Variants in CNTN5 observed in about 807,000 individuals in gnomAD.
CNTN5 encodes the protein contactin-5.
In CNTN5, 77 loss-of-function variants were observed where a neutral mutation model predicts 129.1. The observed-to-expected ratio is 0.60, with a 90% CI of 0.50 to 0.72. CNTN5 has a LOEUF of 0.72. CNTN5 is among the 30% of genes least tolerant of loss of function. CNTN5 has a pLI of 0.00. For missense variants in CNTN5, 1,478 were observed against 1,328.8 expected (o/e 1.11, Z -1.75); for synonymous variants, 509 against 465.6 (o/e 1.09, Z -1.20).
chr11:99,764,173 T>C (rs1944677850), intron 3 of CNTN5, among the ~76,000 whole-genome samples: 1 of 152,082 alleles, frequency 6.6e-6, no homozygotes, highest in African/African-American at 2.4e-5. Flanking sequence ...ACCACTGTTG[T>C]AGAATAAAGG....
chr11:99,637,553 GT>G (rs1429131111), intron 3 of CNTN5, among the ~76,000 whole-genome samples: 1 of 152,012 alleles, frequency 6.6e-6, no homozygotes, highest in Non-Finnish European at 1.5e-5. Context: ...ACATATAGGG[GT>G]TACTGAAAAA....
intron 2 of CNTN5, among the ~76,000 whole-genome samples, chr11:99,356,339 G>T (rs1938668494): frequency 6.6e-6 from 1 of 152,070 alleles, no homozygotes. Context: ...TTTACTATGT[G>T]ATTGACACTC....
chr11:99,475,033 G>A (rs1209841608), intron 2 of CNTN5, among the ~76,000 whole-genome samples: 1 of 151,514 alleles, frequency 6.6e-6, no homozygotes, highest in African/African-American at 2.4e-5. Flanking sequence ...CCTCATGAAT[G>A]TGGGATTAGA....
At chr11:99,846,978 A>G (rs574397940) in intron 6 of CNTN5, among the ~76,000 whole-genome samples, 7 of 152,350 alleles carry the variant, frequency 4.6e-5, no homozygotes, top group African/African-American at 1.4e-4. Flanking sequence ...TACATTATGC[A>G]CAATTAATCA....
intron 2 of CNTN5, among the ~76,000 whole-genome samples, chr11:99,432,628 G>A (rs1943434909): frequency 6.6e-6 from 1 of 151,888 alleles, no homozygotes. Context: ...AGTGAGAGCA[G>A]TTCAGGGCAA....
Position 99,447,664 on chromosome 11 carries a change from C to T in CNTN5, c.-70-108481C>T, listed in dbSNP as rs539932207. Among the ~76,000 whole-genome samples, 27 of 152,344 alleles carry T rather than the reference C, an allele frequency of 1.8e-4. No homozygotes were observed. In the South Asian group the frequency reaches 4.8e-3, roughly 27 times the overall value. ...AGTTATGGCCAGGTGCAGTGGCTAA[C>T]GCCTGTAATCCCAGCACTTTGGTAG... On this transcript the variant is annotated intron_variant, in intron 2 of 24. Coordinates refer to ENST00000524871, the MANE Select transcript of CNTN5 (RefSeq NM_014361.4).
intron 8 of CNTN5, among the ~76,000 whole-genome samples, chr11:99,989,727 A>C (rs1180272880): frequency 6.6e-6 from 1 of 152,100 alleles, no homozygotes; most frequent in Non-Finnish European, 1.5e-5. Flanking sequence ...TAAAGTAAAT[A>C]TTTAACCCTT....
At chr11:99,819,202 T>A (rs1484749904) in intron 3 of CNTN5, among the ~76,000 whole-genome samples, 2 of 148,634 alleles carry the variant, frequency 1.3e-5, no homozygotes, top group Non-Finnish European at 3.0e-5. Context: ...CTTGGGCTTT[T>A]GACTGTCTTC....
chr11:100,033,411 T>C (rs1941823026), intron 9 of CNTN5, among the ~76,000 whole-genome samples: 1 of 152,234 alleles, frequency 6.6e-6, no homozygotes, highest in Non-Finnish European at 1.5e-5. Context: ...TTTCTGGCCT[T>C]GACTTTTCAT....
chr11:99,782,559 A>G (rs1337176207), intron 3 of CNTN5, among the ~76,000 whole-genome samples: 4 of 151,642 alleles, frequency 2.6e-5, no homozygotes, highest in Admixed American at 2.0e-4. Context: ...GAGGCATCAC[A>G]CTACCTGACT....
chr11:99,157,447 A>G (rs892462277), intron 1 of CNTN5, among the ~76,000 whole-genome samples: 2 of 152,060 alleles, frequency 1.3e-5, no homozygotes, highest in Non-Finnish European at 2.9e-5. Flanking sequence ...GCATTTAACT[A>G]TTTTTATCTT....
At chr11:99,073,233 TC>T (rs1291650962) in intron 1 of CNTN5, among the ~76,000 whole-genome samples, 1 of 143,936 alleles carries the variant, frequency 6.9e-6, no homozygotes, top group Non-Finnish European at 1.5e-5. Context: ...TGGCTATATA[TC>T]CCAAAGGGAG....
At chr11:99,317,940 A>T (rs1444051117) in intron 1 of CNTN5, among the ~76,000 whole-genome samples, 1 of 151,968 alleles carries the variant, frequency 6.6e-6, no homozygotes, top group Non-Finnish European at 1.5e-5. Flanking sequence ...CTCCACATGC[A>T]CTTTTCTGTC....
chr11:99,721,632 C>T lies in CNTN5; in HGVS notation c.56-97912C>T, dbSNP rs552886584. ...CGTAACAAAAGTAAAAATTGACAAG[C>T]GGGATCTACTTAAACTTAAGAGTTT... On this transcript the variant is annotated intron_variant, in intron 3 of 24. Transcript: ENST00000524871. Among the ~76,000 whole-genome samples the T allele has an allele frequency of 5.9e-5, 9 of 152,054 alleles. No homozygotes were observed. In the South Asian group the frequency reaches 6.2e-4, roughly 11 times the overall value.
chr11:99,998,073 C>G (rs1939578945), intron 8 of CNTN5, among the ~76,000 whole-genome samples: 1 of 152,062 alleles, frequency 6.6e-6, no homozygotes, highest in Admixed American at 6.6e-5. Context: ...AAACTGGAAG[C>G]ATTCCCATTG....
chr11:100,023,422 C>T (rs1158688314), intron 9 of CNTN5, among the ~76,000 whole-genome samples: 1 of 152,100 alleles, frequency 6.6e-6, no homozygotes, highest in African/African-American at 2.4e-5. Flanking sequence ...ATCCTGTCTG[C>T]CCCTACACAT....
intron 2 of CNTN5, among the ~76,000 whole-genome samples, chr11:99,409,647 G>T (rs1302280285): frequency 6.6e-6 from 1 of 152,196 alleles, no homozygotes; most frequent in Non-Finnish European, 1.5e-5. Flanking sequence ...TGTGAAATAT[G>T]CAAGACTGGG....
At chr11:99,896,124 G>A (rs1949199388) in intron 6 of CNTN5, among the ~76,000 whole-genome samples, 1 of 152,142 alleles carries the variant, frequency 6.6e-6, no homozygotes, top group Admixed American at 6.5e-5. Context: ...CCCAAGCCAG[G>A]GAGGGAACAA....
intron 1 of CNTN5, among the ~76,000 whole-genome samples, chr11:99,221,868 G>A (rs979027370): frequency 6.6e-6 from 1 of 151,850 alleles, no homozygotes; most frequent in South Asian, 2.1e-4. Context: ...TACAGCACAA[G>A]ATTCACATTT....
Sources: gnomAD v4.1 joint callset for allele counts (sites outside exome capture counted in the v4.1 genomes callset) on GRCh38, gnomAD v4.1.1 for gene constraint, MANE v1.5 for transcripts, NCBI Gene and HGNC (gene_info 2026-07-23, HGNC 2026-07-21) for gene names.